Variants in SLC26A7 observed in about 807,000 individuals in gnomAD.
SLC26A7 encodes solute carrier family 26 member 7.
A neutral mutation model predicts 82.5 loss-of-function variants in SLC26A7; 59 were observed. That is an observed-to-expected ratio of 0.72 (90% confidence interval 0.58 to 0.89). The LOEUF (loss-of-function observed/expected upper bound fraction) is 0.89. Ranked by LOEUF, SLC26A7 falls within the 40% of genes least tolerant of loss-of-function variation. The pLI, the probability that SLC26A7 is intolerant of heterozygous loss-of-function variation, is 0.00. For missense variants in SLC26A7, 820 were observed against 793.0 expected (o/e 1.03, Z -0.41); for synonymous variants, 271 against 274.3 (o/e 0.99, Z 0.12).
intron 2 of SLC26A7, among the ~76,000 whole-genome samples, chr8:91,225,560 G>GA (rs201010031): frequency 6.6e-4 from 80 of 122,018 alleles, no homozygotes; most frequent in African/African-American, 2.2e-3. Flanking sequence ...TGCTTATTAT[G>GA]ATTTTTTTTT....
chr8:91,225,096 G>A (rs1810215496), intron 2 of SLC26A7, among the ~76,000 whole-genome samples: 1 of 152,218 alleles, frequency 6.6e-6, no homozygotes, highest in African/African-American at 2.4e-5. Context: ...CCTTGCCTAG[G>A]GAGCTTTGCG....
chr8:91,237,047 C>T lies in SLC26A7; in HGVS notation c.-33-12572C>T, dbSNP rs535977036. 3.0e-4 allele frequency among the ~76,000 whole-genome samples: 46 copies of T among 152,334 alleles called. No homozygotes were observed. The South Asian group carries it at 8.9e-3, about 30-fold the overall frequency. ...GAACTGGAATTCAAACCCAATTTGA[C>T]TGTTACTACTACCCGCTATCATTGA... On this transcript the variant is annotated intron_variant, in intron 2 of 5. Transcript: ENST00000522862.
At chr8:91,317,104 G>C (rs771185430) in intron 4 of SLC26A7, among the ~76,000 whole-genome samples, 4 of 150,052 alleles carry the variant, frequency 2.7e-5, no homozygotes, top group Non-Finnish European at 4.4e-5. Context: ...AGGTTGCAGT[G>C]AGACATGGTC....
chr8:91,229,385 T>C (rs1324509968), intron 2 of SLC26A7, among the ~76,000 whole-genome samples: 2 of 152,206 alleles, frequency 1.3e-5, no homozygotes, highest in Non-Finnish European at 2.9e-5. Context: ...CATGAATTTT[T>C]CCCTCTAACA....
intron 12 of SLC26A7, 128 bp downstream of exon 12, chr8:91,362,587 T>G (rs112590774): frequency 3.3e-6 from 2 of 608,450 alleles, no homozygotes; most frequent in African/African-American, 1.8e-5. Context: ...CATGTTTTTC[T>G]TGCTGTCAGA....
chr8:91,272,215 A>G (rs970705754), intron 2 of SLC26A7, among the ~76,000 whole-genome samples: 16 of 151,996 alleles, frequency 1.1e-4, no homozygotes, highest in Non-Finnish European at 1.8e-4. Context: ...CTCTCCTCAT[A>G]TTATCTGTTA....
At chr8:91,351,916 T>C in intron 10 of SLC26A7, 29 bp downstream of exon 10, 1 of 1,491,920 alleles carries the variant, frequency 6.7e-7, no homozygotes, top group Non-Finnish European at 9.3e-7. Flanking sequence ...ACTATCTACT[T>C]TTTAATTTAA....
chr8:91,279,165 ATG>A (rs1426944358), intron 2 of SLC26A7, among the ~76,000 whole-genome samples: 15 of 106,798 alleles, frequency 1.4e-4, no homozygotes, highest in South Asian at 5.9e-4. Context: ...ATATATATAT[ATG>A]TATCACATTT....
chr8:91,287,923 C>T (rs1811755000), intron 2 of SLC26A7, among the ~76,000 whole-genome samples: 1 of 152,146 alleles, frequency 6.6e-6, no homozygotes, highest in Non-Finnish European at 1.5e-5. Flanking sequence ...ACTGACTCTT[C>T]TATAATCACT....
At chr8:91,296,625 G>A (rs1051980327) in intron 4 of SLC26A7, among the ~76,000 whole-genome samples, 10 of 152,076 alleles carry the variant, frequency 6.6e-5, no homozygotes, top group African/African-American at 1.4e-4. Context: ...TAGGTGAAAC[G>A]GCCGAAAGAA....
At chr8:91,274,723 C>T (rs758620648) in intron 2 of SLC26A7, among the ~76,000 whole-genome samples, 9 of 152,188 alleles carry the variant, frequency 5.9e-5, no homozygotes, top group Non-Finnish European at 1.2e-4. Context: ...GATATATCTC[C>T]AGTGCCTGGC....
At chr8:91,242,746 C>T (rs1359450467) in intron 2 of SLC26A7, among the ~76,000 whole-genome samples, 1 of 152,116 alleles carries the variant, frequency 6.6e-6, no homozygotes, top group Non-Finnish European at 1.5e-5. Context: ...TCTCAGCCTC[C>T]AAAACTATGA....
chr8:91,319,219 C>CCTCT (rs879657096), intron 5 of SLC26A7, among the ~76,000 whole-genome samples: 1 of 152,058 alleles, frequency 6.6e-6, no homozygotes, highest in Non-Finnish European at 1.5e-5. Context: ...TCTTTATTTG[C>CCTCT]ATATTATTCT....
chr8:91,387,452 T>C (rs189607797), intron 15 of SLC26A7, among the ~76,000 whole-genome samples: 3 of 152,278 alleles, frequency 2.0e-5, no homozygotes, highest in East Asian at 1.9e-4. Context: ...TAGCCCCCCT[T>C]GCCCTGGGAA....
intron 9 of SLC26A7, 29 bp from the exon 10 acceptor site, chr8:91,351,781 T>C (rs931738537): frequency 3.9e-6 from 6 of 1,522,756 alleles, no homozygotes; most frequent in Non-Finnish European, 5.4e-6. Flanking sequence ...GGCTTTCTTT[T>C]TCCTTTTTGT....
intron 16 of SLC26A7, among the ~76,000 whole-genome samples, chr8:91,391,601 C>T (rs1336717590): frequency 1.3e-5 from 2 of 152,134 alleles, no homozygotes; most frequent in African/African-American, 2.4e-5. Context: ...AGGAGGGCCT[C>T]TTGTATTCGG....
rs35968986 is a variant in SLC26A7, at chr8:91,210,562, GACACACACACACAC to G, written c.-150+1040_-150+1053del. Among the ~76,000 whole-genome samples the G allele has an allele frequency of 3.7e-3, 535 of 146,196 alleles. 6 individuals are homozygous for G. The highest frequency in any genetic ancestry group is 4.7e-3 in the Non-Finnish European group (311 of 66,066). On this transcript the variant is annotated intron_variant, in intron 1 of 5. Coordinates refer to the SLC26A7 transcript ENST00000522862. The stretch of plus-strand genomic sequence containing the variant: ...TTAAACACAGACACACACACACACA[GACACACACACACAC>G]ACACACACACACACACACAGGTTAA...
At chr8:91,274,847 G>A (rs1158183111) in intron 2 of SLC26A7, among the ~76,000 whole-genome samples, 2 of 152,184 alleles carry the variant, frequency 1.3e-5, no homozygotes, top group East Asian at 3.8e-4. Context: ...AGGAGGTGGA[G>A]AACATTAGCT....
At chr8:91,291,175 T>G (rs1329424285) in intron 3 of SLC26A7, among the ~76,000 whole-genome samples, 1 of 152,196 alleles carries the variant, frequency 6.6e-6, no homozygotes, top group Non-Finnish European at 1.5e-5. Flanking sequence ...TGTTCTAGCA[T>G]AAGCCTTTTA....
Sources: allele counts gnomAD v4.1 joint callset (sites outside exome capture counted in the v4.1 genomes callset), GRCh38; gene constraint gnomAD v4.1.1; transcripts MANE v1.5; gene names NCBI Gene and HGNC (gene_info 2026-07-23, HGNC 2026-07-21).